Variants in ADGRL3 observed in about 807,000 individuals in gnomAD.
The protein encoded by ADGRL3 is adhesion G protein-coupled receptor L3.
In ADGRL3, 62 loss-of-function variants were observed where a neutral mutation model predicts 153.5. The ratio of observed to expected loss-of-function variants is 0.40; its 90% CI spans 0.33 to 0.50. ADGRL3 has a LOEUF of 0.50. Ranked by LOEUF, ADGRL3 falls within the 20% of genes least tolerant of loss-of-function variation. ADGRL3 has a pLI of 0.47. For synonymous variants in ADGRL3, 710 were observed against 672.5 expected, an observed-to-expected ratio of 1.06 and a Z score of -0.86; for missense variants, 1,641 against 1,859.4, an observed-to-expected ratio of 0.88 and a Z score of 2.16.
chr4:61,908,137 A>T (rs1002653013), intron 11 of ADGRL3, among the ~76,000 whole-genome samples: 1 of 152,102 alleles, frequency 6.6e-6, no homozygotes, highest in Non-Finnish European at 1.5e-5. Context: ...TTAGCCAGGC[A>T]TAGTGGGTGC....
intron 8 of ADGRL3, among the ~76,000 whole-genome samples, chr4:61,812,873 TTCCC>T (rs2097646705): frequency 6.6e-6 from 1 of 152,212 alleles, no homozygotes. Flanking sequence ...ATCCATCTAC[TTCCC>T]TTTTAAATTG....
chr4:61,287,063 A>G (rs1429067572), intron 1 of ADGRL3, among the ~76,000 whole-genome samples: 1 of 151,744 alleles, frequency 6.6e-6, no homozygotes, highest in Non-Finnish European at 1.5e-5. Context: ...TAAATAAGGG[A>G]TTTTTTCATA....
intron 8 of ADGRL3, among the ~76,000 whole-genome samples, chr4:61,769,512 G>C (rs2097054748): frequency 6.6e-6 from 1 of 152,010 alleles, no homozygotes; most frequent in Non-Finnish European, 1.5e-5. Context: ...TCCCAAGGGA[G>C]GTCCCCCGAT....
intron 2 of ADGRL3, among the ~76,000 whole-genome samples, chr4:61,384,955 G>A (rs907233840): frequency 5.3e-5 from 8 of 151,976 alleles, no homozygotes; most frequent in Non-Finnish European, 8.8e-5. Context: ...TCCTTTTGGG[G>A]AAATAAAAAT....
At chr4:61,443,055 A>T (rs1248954563) in intron 2 of ADGRL3, among the ~76,000 whole-genome samples, 1 of 152,172 alleles carries the variant, frequency 6.6e-6, no homozygotes, top group Non-Finnish European at 1.5e-5. Context: ...TTAGATACAA[A>T]GCCATTTTGT....
chr4:61,654,443 G>A (rs1170389104), intron 5 of ADGRL3, among the ~76,000 whole-genome samples: 1 of 151,844 alleles, frequency 6.6e-6, no homozygotes, highest in Non-Finnish European at 1.5e-5. Flanking sequence ...ATATAAAATT[G>A]TTAATATGCT....
chr4:62,070,934 C>G lies in ADGRL3; in HGVS notation c.*26C>G. The G allele has an allele frequency of 6.6e-7, 1 of 1,510,870 alleles. No homozygotes were observed. Among genetic ancestry groups the G allele is most frequent in the Non-Finnish European group, 8.9e-7 (1 of 1,122,852 alleles). 93.6% of individuals were successfully genotyped at this position (1,510,870 alleles called of 1,614,324 possible). A position where few individuals can be genotyped will look rare whatever the true frequency, so the allele number is the denominator to read the frequency against. ...AAGATGACACAGAAATTGGAACCAA[C>G]AAAACTGCTAACACCTTGTTGACTG... On this transcript the variant is annotated 3_prime_UTR_variant, in exon 27 of 27. Coordinates refer to ENST00000683033, the MANE Select transcript of ADGRL3 (RefSeq NM_001387552.1).
intron 4 of ADGRL3, among the ~76,000 whole-genome samples, chr4:61,538,496 A>G (rs56236124): frequency 4.6e-5 from 7 of 152,014 alleles, no homozygotes; most frequent in African/African-American, 1.4e-4. Context: ...CTGGAGGGCA[A>G]TGGTGCGATC....
At chr4:61,325,504 A>C (rs1230003474) in intron 1 of ADGRL3, among the ~76,000 whole-genome samples, 1 of 152,206 alleles carries the variant, frequency 6.6e-6, no homozygotes, top group Non-Finnish European at 1.5e-5. Flanking sequence ...AAAACTTTGA[A>C]GGTTGAGTGT....
chr4:61,349,032 A>G (rs2151284597), intron 1 of ADGRL3, among the ~76,000 whole-genome samples: 1 of 152,112 alleles, frequency 6.6e-6, no homozygotes, highest in South Asian at 2.1e-4. Flanking sequence ...AGGGGTAGTT[A>G]TTTAAGACAA....
chr4:62,019,182 T>C (rs1048534803), intron 21 of ADGRL3, among the ~76,000 whole-genome samples: 6 of 152,086 alleles, frequency 3.9e-5, no homozygotes, highest in Non-Finnish European at 7.4e-5. Context: ...TTTATATATA[T>C]ATAAAAGTTT....
At chr4:61,259,732 A>C (rs2092358217) in intron 1 of ADGRL3, among the ~76,000 whole-genome samples, 1 of 151,926 alleles carries the variant, frequency 6.6e-6, no homozygotes, top group Non-Finnish European at 1.5e-5. Flanking sequence ...TTTTTCTGTT[A>C]CCTTTTTTTT....
intron 3 of ADGRL3, among the ~76,000 whole-genome samples, chr4:61,500,612 T>C (rs183398918): frequency 3.9e-4 from 59 of 152,280 alleles, no homozygotes; most frequent in African/African-American, 1.4e-3. Context: ...GCTACTGTTA[T>C]TGAGATGTCC....
intron 13 of ADGRL3, among the ~76,000 whole-genome samples, chr4:61,922,386 C>T (rs1301740850): frequency 1.3e-5 from 2 of 152,262 alleles, no homozygotes; most frequent in East Asian, 3.9e-4. Flanking sequence ...TTCCCATATA[C>T]CTCCCATTGA....
At chr4:62,037,257 T>TTC (rs372127901) in intron 23 of ADGRL3, among the ~76,000 whole-genome samples, 11 of 151,614 alleles carry the variant, frequency 7.3e-5, no homozygotes, top group South Asian at 2.1e-4. Flanking sequence ...TCTCTGATAT[T>TTC]TCTCTCTCTC....
rs191846880 is a variant in ADGRL3 at position 61,971,293 on chromosome 4, G to C, written c.2806-8270G>C. 2.0e-3 allele frequency among the ~76,000 whole-genome samples: 297 copies of C among 152,058 alleles called. 2 individuals are homozygous for C. The highest frequency in any genetic ancestry group is 6.7e-3 in the African/African-American group (278 of 41,494). ...TTTAGCATTAGGTATATCTCCTAAT[G>C]CTATCCCTCCCCGCTCCCACCACCC... On this transcript the variant is annotated intron_variant, in intron 17 of 26. Transcript: ENST00000683033.
intron 1 of ADGRL3, among the ~76,000 whole-genome samples, chr4:61,379,555 G>C (rs1356385713): frequency 6.6e-6 from 1 of 151,878 alleles, no homozygotes; most frequent in Admixed American, 6.6e-5. Context: ...GTCATCTTAG[G>C]CTGAAAGCCA....
intron 1 of ADGRL3, among the ~76,000 whole-genome samples, chr4:61,314,370 C>T (rs1216454935): frequency 3.3e-5 from 5 of 152,036 alleles, no homozygotes; most frequent in South Asian, 2.1e-4. Context: ...CCGCCATGCC[C>T]GGCTAATTCT....
intron 5 of ADGRL3, among the ~76,000 whole-genome samples, chr4:61,634,688 T>A (rs2093340556): frequency 6.6e-6 from 1 of 152,166 alleles, no homozygotes. Flanking sequence ...GCTGCTGTTT[T>A]TATTTAAGAT....
Sources: allele counts gnomAD v4.1 joint callset (sites outside exome capture counted in the v4.1 genomes callset), GRCh38; gene constraint gnomAD v4.1.1; transcripts MANE v1.5; gene names NCBI Gene and HGNC (gene_info 2026-07-23, HGNC 2026-07-21).